PBRM1: variants seen among roughly 807,000 people sequenced by gnomAD.
The protein encoded by PBRM1 is protein polybromo-1.
A neutral mutation model predicts 194.5 loss-of-function variants in PBRM1; 27 were observed. That is an observed-to-expected ratio of 0.14 (90% CI 0.10 to 0.19). The LOEUF is 0.19. PBRM1 is among the 10% of genes least tolerant of loss of function. PBRM1 has a pLI of 1.00. For synonymous variants in PBRM1, 655 were observed against 693.2 expected, an observed-to-expected ratio of 0.94 and a Z score of 0.87; for missense variants, 1,466 against 2,077.2, an observed-to-expected ratio of 0.71 and a Z score of 5.72.
intron 7 of PBRM1, among the ~76,000 whole-genome samples, chr3:52,646,333 C>T (rs1352650231): frequency 1.3e-5 from 2 of 152,162 alleles, no homozygotes. Context: ...CCCAATGATA[C>T]ACGATTAATT....
At chr3:52,652,162 T>C (rs1283615459) in intron 5 of PBRM1, among the ~76,000 whole-genome samples, 1 of 152,086 alleles carries the variant, frequency 6.6e-6, no homozygotes, top group East Asian at 1.9e-4. Context: ...GGCAGGTGGA[T>C]CACCTGAGGT....
intron 20 of PBRM1, among the ~76,000 whole-genome samples, chr3:52,582,144 A>C (rs1017040774): frequency 6.6e-6 from 1 of 151,170 alleles, no homozygotes; most frequent in African/African-American, 2.4e-5. Flanking sequence ...CAGGAGGCTA[A>C]GACAGGAGAA....
At chr3:52,669,812 C>T (rs536349539) in intron 2 of PBRM1, among the ~76,000 whole-genome samples, 1 of 152,230 alleles carries the variant, frequency 6.6e-6, no homozygotes, top group South Asian at 2.1e-4. Context: ...TTGTTTCTCA[C>T]AAATAAGGAC....
At chr3:52,612,905 C>CAAAAAA in intron 15 of PBRM1, among the ~76,000 whole-genome samples, 1 of 85,386 alleles carries the variant, frequency 1.2e-5, no homozygotes, top group South Asian at 4.4e-4. Context: ...GAATCCGTCT[C>CAAAAAA]AAAAAAAAAA....
chr3:52,588,269 C>T (rs576694436), intron 18 of PBRM1, among the ~76,000 whole-genome samples: 61 of 152,336 alleles, frequency 4.0e-4, no homozygotes, highest in African/African-American at 1.4e-3. Context: ...CCACCAACTT[C>T]TGGCTTCATT....
rs2091173470 is a variant in PBRM1 at position 52,581,498 on chromosome 3, C to T, written c.3388-2299G>A. ...ATACTCCAACCTGGGCAGACTCTGT[C>T]TCAAAAAAAAAAAAAAAAGAATCAG... On this transcript the variant is annotated intron_variant, in intron 20 of 29. Coordinates refer to ENST00000296302, the Ensembl canonical transcript of PBRM1. Among the ~76,000 whole-genome samples, 3 of 142,066 alleles carry T rather than the reference C, an allele frequency of 2.1e-5. No individual in the cohort carries two copies. In the Admixed American group the frequency reaches 2.1e-4, roughly 10 times the overall value. The allele number at this position is 142,066 out of a possible 152,430, so 93.2% of individuals were successfully genotyped here. A position where few individuals can be genotyped will look rare whatever the true frequency, so the allele number is the denominator to read the frequency against.
upstream of PBRM1, among the ~76,000 whole-genome samples, chr3:52,684,626 T>C (rs761193168): frequency 6.6e-6 from 1 of 152,226 alleles, no homozygotes; most frequent in African/African-American, 2.4e-5. Context: ...CATATATTAT[T>C]CTACAGCCTG....
At chr3:52,624,018 CA>C (rs1292890301) in intron 13 of PBRM1, among the ~76,000 whole-genome samples, 3 of 152,178 alleles carry the variant, frequency 2.0e-5, no homozygotes. Flanking sequence ...GAGTGGAATA[CA>C]TATGGTAGTA....
intron 27 of PBRM1, among the ~76,000 whole-genome samples, chr3:52,551,105 T>C (rs2080871560): frequency 6.6e-6 from 1 of 152,268 alleles, no homozygotes; most frequent in Non-Finnish European, 1.5e-5. Flanking sequence ...AGGTAAGCTA[T>C]TGTCAGAATA....
intron 26 of PBRM1, among the ~76,000 whole-genome samples, chr3:52,555,501 A>G (rs2082028240): frequency 1.3e-5 from 2 of 152,180 alleles, no homozygotes; most frequent in South Asian, 2.1e-4. Flanking sequence ...ACAGTGAATG[A>G]TATTTCCTTC....
intron 2 of PBRM1, among the ~76,000 whole-genome samples, chr3:52,674,618 T>A (rs1370838163): frequency 7.6e-6 from 1 of 131,422 alleles, no homozygotes; most frequent in Non-Finnish European, 1.6e-5. Context: ...AGGGAAACCC[T>A]GTCTCTACCA....
intron 2 of PBRM1, among the ~76,000 whole-genome samples, chr3:52,671,633 T>C (rs2096952399): frequency 1.3e-5 from 2 of 152,242 alleles, no homozygotes; most frequent in African/African-American, 4.8e-5. Flanking sequence ...GGGAAAATGC[T>C]TGGTATTGTG....
At chr3:52,643,412 C>T (rs1329007049) in intron 8 of PBRM1, 69 bp from the exon 10 acceptor site, 2 of 907,174 alleles carry the variant, frequency 2.2e-6, no homozygotes, top group Non-Finnish European at 3.7e-6. Context: ...TAAACAAACA[C>T]ACACACAACC....
chr3:52,661,478 T>C (rs1445246518), intron 4 of PBRM1, among the ~76,000 whole-genome samples: 1 of 152,204 alleles, frequency 6.6e-6, no homozygotes, highest in Non-Finnish European at 1.5e-5. Context: ...AGTATGTTAT[T>C]TCACATATAG....
At chr3:52,674,641 A>ATATATAT in intron 2 of PBRM1, among the ~76,000 whole-genome samples, 1 of 76,102 alleles carries the variant, frequency 1.3e-5, no homozygotes, top group East Asian at 4.4e-4. Flanking sequence ...AAAAAAAAAA[A>ATATATAT]AAATATATAT....
chr3:52,595,125 T>TG, intron 17 of PBRM1, among the ~76,000 whole-genome samples: 1 of 152,276 alleles, frequency 6.6e-6, no homozygotes, highest in East Asian at 1.9e-4. Flanking sequence ...ATTGTCAGAG[T>TG]TCTTGTGCTG....
At chr3:52,641,838 A>G (rs1300956554) in intron 10 of PBRM1, 116 bp downstream of exon 11, 2 of 764,122 alleles carry the variant, frequency 2.6e-6, no homozygotes, top group African/African-American at 3.5e-5. Flanking sequence ...AAATGCAATA[A>G]AATAGCATGT....
downstream of PBRM1, chr3:52,546,734 C>A (rs1313196138): frequency 2.1e-5 from 5 of 232,900 alleles, no homozygotes; most frequent in Admixed American, 5.6e-5. Context: ...TCCTATGCTG[C>A]CTTCAAATGT....
intron 13 of PBRM1, 81 bp downstream of exon 14, chr3:52,627,192 A>C (rs2095474787): frequency 1.3e-6 from 1 of 747,338 alleles, no homozygotes. Context: ...TTGATAGCTT[A>C]AAAAATATAT....
Sources: gnomAD v4.1 joint callset for allele counts (sites outside exome capture counted in the v4.1 genomes callset) on GRCh38, gnomAD v4.1.1 for gene constraint, MANE v1.5 for transcripts, NCBI Gene and HGNC (gene_info 2026-07-23, HGNC 2026-07-21) for gene names.